CACNA1D: variants seen among roughly 807,000 people sequenced by gnomAD.
CACNA1D encodes the protein voltage-dependent L-type calcium channel subunit alpha-1D.
Under a neutral mutation model 257.1 loss-of-function variants are expected in CACNA1D, and 55 were observed. The observed-to-expected ratio is 0.21, with a 90% CI of 0.17 to 0.27. CACNA1D has a LOEUF of 0.27. Among genes scored for constraint, CACNA1D ranks in the 10% least tolerant of loss-of-function variants. The probability of loss-of-function intolerance (pLI) is 1.00; values close to 1 mark genes in which losing one functional copy is unlikely to be tolerated. For missense variants in CACNA1D, 1,876 were observed against 2,784.0 expected (o/e 0.67, Z 7.34); for synonymous variants, 980 against 1,014.9 (o/e 0.97, Z 0.65).
intron 3 of CACNA1D, among the ~76,000 whole-genome samples, chr3:53,620,706 T>C (rs2093687773): frequency 6.6e-6 from 1 of 152,240 alleles, no homozygotes; most frequent in Non-Finnish European, 1.5e-5. Flanking sequence ...TTTGCAATCA[T>C]AGATTTGTGT....
intron 4 of CACNA1D, 65 bp downstream of exon 4, chr3:53,650,983 GGT>G: frequency 7.3e-7 from 1 of 1,372,940 alleles, no homozygotes; most frequent in Non-Finnish European, 1.0e-6. Flanking sequence ...TGGGGGGGGT[GGT>G]GGTAACAAAA....
intron 2 of CACNA1D, among the ~76,000 whole-genome samples, chr3:53,498,197 G>T (rs1039007667): frequency 1.3e-5 from 2 of 152,312 alleles, no homozygotes; most frequent in East Asian, 3.9e-4. Context: ...TTATAGAACA[G>T]CCTTTTCAGT....
intron 22 of CACNA1D, 50 bp from the exon 23 acceptor site, chr3:53,744,690 C>A: frequency 2.1e-6 from 2 of 964,570 alleles, no homozygotes; most frequent in South Asian, 1.3e-5. Flanking sequence ...TCAAAGCATC[C>A]TGTCCATTTA....
chr3:53,711,742 T>A (rs553999530), intron 9 of CACNA1D, among the ~76,000 whole-genome samples: 1 of 151,918 alleles, frequency 6.6e-6, no homozygotes, highest in Admixed American at 6.6e-5. Flanking sequence ...CTGAAGAGGG[T>A]TATATTAGAG....
chr3:53,732,794 A>C, intron 18 of CACNA1D, 21 bp from the exon 19 acceptor site: 1 of 1,606,674 alleles, frequency 6.2e-7, no homozygotes, highest in Non-Finnish European at 8.5e-7. Flanking sequence ...CATGCCTATA[A>C]AAAAAGTATT....
At chr3:53,657,759 C>G (rs900999863) in intron 4 of CACNA1D, among the ~76,000 whole-genome samples, 1 of 152,222 alleles carries the variant, frequency 6.6e-6, no homozygotes, top group Non-Finnish European at 1.5e-5. Flanking sequence ...CAACTACAGT[C>G]TGTATCTCAA....
intron 3 of CACNA1D, among the ~76,000 whole-genome samples, chr3:53,628,994 G>A (rs1014691873): frequency 2.0e-5 from 3 of 152,218 alleles, no homozygotes; most frequent in East Asian, 1.9e-4. Context: ...TACAGGTCTA[G>A]GGCAGGGGTG....
At position 53,666,532 on chromosome 3, in the gene CACNA1D, C is replaced by T. The variant is rs1389051716; in HGVS notation, c.1113C>T (p.Tyr371=). 1.2e-6 allele frequency: 2 copies of T among 1,611,938 alleles called. No individual in the cohort carries two copies. The highest frequency in any genetic ancestry group is 3.3e-5 in the Admixed American group (2 of 60,028). Reference sequence around the variant, plus strand: ...TGGAGGGCTGGACAGATGTGCTCTACTGGGTAAGTACCCTGGGGAGAGAGT... The same window carrying T: ...TGGAGGGCTGGACAGATGTGCTCTATTGGGTAAGTACCCTGGGGAGAGAGT... ...ITMEGWTDVL[Y]WMNDAMGFEL... Residue 371 remains tyrosine, a synonymous_variant, in exon 7 of 48, where the codon TAC becomes TAT. Coordinates refer to ENST00000350061, the MANE Select transcript of CACNA1D (RefSeq NM_001128840.3).
intron 21 of CACNA1D, 114 bp downstream of exon 21, chr3:53,740,453 C>T (rs934915131): frequency 2.5e-6 from 2 of 785,982 alleles, no homozygotes; most frequent in African/African-American, 3.4e-5. Flanking sequence ...TTCACTGGTA[C>T]TTTTGCATTT....
intron 8 of CACNA1D, chr3:53,674,004 A>G (rs570628255): frequency 1.2e-4 from 79 of 668,778 alleles, no homozygotes; most frequent in South Asian, 1.1e-3. Flanking sequence ...CGTGTTTCCA[A>G]TGCTTGCCAA....
Position 53,495,153 on chromosome 3 carries a change from A to T in CACNA1D, c.-14A>T. 1 of 1,611,340 alleles carries T rather than the reference A, an allele frequency of 6.2e-7. No individual in the cohort carries two copies. The highest frequency in any genetic ancestry group is 2.2e-5 in the East Asian group (1 of 44,786). ...GTGCCCTGCACACAGTAGTCGCTCA[A>T]TAAATGTTCGTGGATGATGATGATG... On this transcript the variant is annotated 5_prime_UTR_variant, in exon 1 of 48. Coordinates refer to ENST00000350061, the MANE Select transcript of CACNA1D (RefSeq NM_001128840.3). This position sits in a 1 kb window ranked among gnomAD's most constrained non-coding sequence, Gnocchi z 5.1.
At chr3:53,568,253 G>C (rs112579245) in intron 3 of CACNA1D, among the ~76,000 whole-genome samples, 4,866 of 152,236 alleles carry the variant, frequency 0.032, 240 homozygotes, top group African/African-American at 0.11. Flanking sequence ...ATTCAGCTAC[G>C]ATGACTGGTA....
In CACNA1D at chr3:53,784,181, C is replaced by G. The variant is rs549978866; in HGVS notation, c.4792+2514C>G. On this transcript the variant is annotated intron_variant, in intron 39 of 47. Transcript: ENST00000350061. ...CACCATCAGTGCTGAGCCGCCTCAT[C>G]TCTGCCTCTCAGCTCAGGTTCTCAC... 1.4e-4 allele frequency among the ~76,000 whole-genome samples: 21 copies of G among 152,354 alleles called. No individual in the cohort carries two copies. The Middle Eastern group carries it at 0.01, about 74-fold the overall frequency.
At chr3:53,772,154 T>C (rs899773972) in intron 32 of CACNA1D, among the ~76,000 whole-genome samples, 3 of 152,166 alleles carry the variant, frequency 2.0e-5, no homozygotes, top group Admixed American at 2.0e-4. Context: ...CGTACTTGTA[T>C]TTGGTGTTTA....
At chr3:53,555,706 T>A (rs1308952233) in intron 3 of CACNA1D, among the ~76,000 whole-genome samples, 1 of 152,082 alleles carries the variant, frequency 6.6e-6, no homozygotes, top group Non-Finnish European at 1.5e-5. Flanking sequence ...GGAAGAATCT[T>A]TAAACCCTGT....
At chr3:53,752,041 C>T (rs2095230596) in intron 28 of CACNA1D, 134 bp downstream of exon 28, 1 of 857,070 alleles carries the variant, frequency 1.2e-6, no homozygotes, top group Non-Finnish European at 2.0e-6. Context: ...ATAGGTTGGC[C>T]AGAGTTCTGT....
intron 14 of CACNA1D, among the ~76,000 whole-genome samples, chr3:53,724,456 G>C (rs372608204): frequency 6.6e-6 from 1 of 152,178 alleles, no homozygotes; most frequent in Admixed American, 6.5e-5. Context: ...GGTAGGAACT[G>C]TGGCAGCCAT....
At position 53,810,781 on chromosome 3, in the gene CACNA1D, A is replaced by C. The variant is rs944137970; in HGVS notation, c.6193-332A>C. On this transcript the variant is annotated intron_variant, in intron 47 of 47. Transcript: ENST00000350061. ...CTCAAAAAAAAAAAAAAAAAAAAAA[A>C]AAAAACAAAAACTGGTCACCACCGT... 5.3e-4 allele frequency among the ~76,000 whole-genome samples: 74 copies of C among 140,632 alleles called. 1 individual carries two copies. The highest frequency in any genetic ancestry group is 3.7e-3 in the Middle Eastern group (1 of 272). The allele number at this position is 140,632 out of a possible 152,430, so 92.3% of individuals were successfully genotyped here.
intron 3 of CACNA1D, among the ~76,000 whole-genome samples, chr3:53,548,288 C>G (rs944871532): frequency 3.3e-5 from 5 of 150,958 alleles, no homozygotes; most frequent in Non-Finnish European, 5.9e-5. Context: ...CAGATTGTAT[C>G]CTTCTGGAGA....
Sources: gnomAD v4.1 joint callset for allele counts (sites outside exome capture counted in the v4.1 genomes callset) on GRCh38, gnomAD v4.1.1 for gene constraint, Gnocchi (gnomAD v3.1) non-coding constraint, MANE v1.5 for transcripts, NCBI Gene and HGNC (gene_info 2026-07-23, HGNC 2026-07-21) for gene names.